Variants in NAV2 observed in about 807,000 individuals in gnomAD.
NAV2 encodes helicase, APC down-regulated 1.
In NAV2, 54 loss-of-function variants were observed where a neutral mutation model predicts 223.2. That is an observed-to-expected ratio of 0.24 (90% CI 0.19 to 0.30). The LOEUF is 0.30. Ranked by LOEUF, NAV2 falls within the 10% of genes least tolerant of loss-of-function variation. The pLI, the probability that NAV2 is intolerant of heterozygous loss-of-function variation, is 1.00. For missense variants in NAV2, 2,806 were observed against 3,147.5 expected, an observed-to-expected ratio of 0.89 and a Z score of 2.60; for synonymous variants, 1,279 against 1,239.3, an observed-to-expected ratio of 1.03 and a Z score of -0.67.
chr11:20,020,260 A>G (rs1472338230), intron 11 of NAV2, among the ~76,000 whole-genome samples: 1 of 152,216 alleles, frequency 6.6e-6, no homozygotes, highest in Non-Finnish European at 1.5e-5. Context: ...CATCAACTAC[A>G]TCTTGGTTTT....
chr11:19,819,599 G>C (rs2059272422), intron 1 of NAV2, among the ~76,000 whole-genome samples: 1 of 152,188 alleles, frequency 6.6e-6, no homozygotes, highest in African/African-American at 2.4e-5. Flanking sequence ...GCATGGAACT[G>C]TGGTGTGAGG....
intron 5 of NAV2, among the ~76,000 whole-genome samples, chr11:19,889,915 A>T (rs1294081853): frequency 1.3e-5 from 2 of 152,126 alleles, no homozygotes; most frequent in African/African-American, 2.4e-5. Context: ...ACTTTTGTGT[A>T]TTGATTTTTG....
At chr11:19,888,967 G>A (rs987652037) in intron 5 of NAV2, among the ~76,000 whole-genome samples, 1 of 151,970 alleles carries the variant, frequency 6.6e-6, no homozygotes, top group Non-Finnish European at 1.5e-5. Flanking sequence ...ATGTCAGCTG[G>A]GGTCGACAAG....
intron 29 of NAV2, among the ~76,000 whole-genome samples, chr11:20,095,387 A>G (rs986340246): frequency 6.6e-6 from 1 of 152,190 alleles, no homozygotes; most frequent in Non-Finnish European, 1.5e-5. Context: ...CATACAAGGA[A>G]TATGTGATTT....
chr11:19,627,388 CA>C (rs796980692), intron 1 of NAV2, among the ~76,000 whole-genome samples: 58 of 142,338 alleles, frequency 4.1e-4, no homozygotes, highest in South Asian at 6.8e-4. Context: ...GACTCTGTCT[CA>C]AAAAAAAAAA....
chr11:19,458,644 A>G (rs555474456), intron 1 of NAV2, among the ~76,000 whole-genome samples: 10 of 152,292 alleles, frequency 6.6e-5, no homozygotes, highest in African/African-American at 2.4e-4. Flanking sequence ...AGAGGTGAAG[A>G]CTCCAAGTCC....
In NAV2 at chr11:19,564,546, C is replaced by T. The variant is rs547116436; in HGVS notation, c.75+213519C>T. 3.3e-5 allele frequency among the ~76,000 whole-genome samples: 5 copies of T among 152,164 alleles called. No homozygotes were observed. The East Asian group carries it at 9.7e-4, about 30-fold the overall frequency. On this transcript the variant is annotated intron_variant, in intron 1 of 37. Coordinates refer to the NAV2 transcript ENST00000360655. ...ACTCTTGGCAGAGCTCTGATCTGGG[C>T]GTCGTGTTCTTTTTCCATTTGGAGG...
intron 10 of NAV2, among the ~76,000 whole-genome samples, chr11:19,983,732 A>G (rs6483628): frequency 0.8 from 121,571 of 152,184 alleles, 49,250 homozygotes; most frequent in Middle Eastern, 0.87. Flanking sequence ...ATTATTGCCT[A>G]TGATTTGCTA....
intron 1 of NAV2, among the ~76,000 whole-genome samples, chr11:19,729,273 A>C (rs1432459199): frequency 6.6e-6 from 1 of 152,200 alleles, no homozygotes; most frequent in Non-Finnish European, 1.5e-5. Flanking sequence ...GTTTGAATGC[A>C]TGCAAGATCC....
At chr11:19,619,017 T>C (rs191141612) in intron 1 of NAV2, among the ~76,000 whole-genome samples, 1,609 of 26,990 alleles carry the variant, frequency 0.06, 35 homozygotes, top group East Asian at 0.21. Context: ...TGTTTGGTTT[T>C]CTGTCCTTGT....
At chr11:19,862,884 C>T (rs2061874505) in intron 3 of NAV2, among the ~76,000 whole-genome samples, 1 of 152,136 alleles carries the variant, frequency 6.6e-6, no homozygotes, top group Non-Finnish European at 1.5e-5. Context: ...CCCTAAAGTT[C>T]ATTTTGCTTT....
intron 1 of NAV2, among the ~76,000 whole-genome samples, chr11:19,578,446 G>A (rs937117325): frequency 2.6e-5 from 4 of 152,290 alleles, no homozygotes; most frequent in South Asian, 2.1e-4. Flanking sequence ...AAGGGACATC[G>A]ACTTGGGAGA....
chr11:19,534,002 G>A lies in NAV2; in HGVS notation c.75+182975G>A, dbSNP rs1401360892. Among the ~76,000 whole-genome samples the A allele has an allele frequency of 2.3e-5, 3 of 132,284 alleles. 1 individual carries two copies. Among genetic ancestry groups the A allele is most frequent in the African/African-American group, 4.4e-5 (1 of 22,612 alleles). The allele number at this position is 132,284 out of a possible 152,430, so 86.8% of individuals were successfully genotyped here. A position where few individuals can be genotyped will look rare whatever the true frequency, so the allele number is the denominator to read the frequency against. ...ATTACAGGCGTGAGCCACCGCGCCC[G>A]GCCTCTGGGAACTATCTTATCCACA... is the stretch of plus-strand genomic sequence containing the variant. On this transcript the variant is annotated intron_variant, in intron 1 of 37. Coordinates refer to the NAV2 transcript ENST00000360655.
chr11:19,581,891 G>A (rs1590598495), intron 1 of NAV2, among the ~76,000 whole-genome samples: 1 of 152,272 alleles, frequency 6.6e-6, no homozygotes, highest in Non-Finnish European at 1.5e-5. Flanking sequence ...GTAATGGGAT[G>A]GCTGGGTCAA....
chr11:19,526,124 C>G (rs1055235426), intron 1 of NAV2, among the ~76,000 whole-genome samples: 4 of 152,140 alleles, frequency 2.6e-5, no homozygotes, highest in Admixed American at 1.3e-4. Flanking sequence ...GCAGACCTGT[C>G]CTTTCTGCCT....
intron 1 of NAV2, among the ~76,000 whole-genome samples, chr11:19,391,465 CA>C (rs1366478678): frequency 3.9e-5 from 6 of 152,152 alleles, no homozygotes; most frequent in Non-Finnish European, 8.8e-5. Flanking sequence ...CTCTCAGTTT[CA>C]AAGGAGATCA....
intron 11 of NAV2, among the ~76,000 whole-genome samples, chr11:20,007,113 T>C (rs904078663): frequency 3.9e-5 from 6 of 152,084 alleles, no homozygotes; most frequent in African/African-American, 1.4e-4. Flanking sequence ...TGCACCACCA[T>C]GCCCGGCTAA....
At chr11:19,464,460 C>T (rs1445437148) in intron 1 of NAV2, among the ~76,000 whole-genome samples, 2 of 152,162 alleles carry the variant, frequency 1.3e-5, no homozygotes, top group African/African-American at 2.4e-5. Context: ...CAGGCAATAT[C>T]CCTCTAAGAG....
chr11:19,723,089 AC>A (rs1318915920), intron 1 of NAV2, among the ~76,000 whole-genome samples: 5 of 152,010 alleles, frequency 3.3e-5, no homozygotes, highest in Admixed American at 2.6e-4. Flanking sequence ...CCTGCCCCCC[AC>A]CCCCAACCGC....
Sources: allele counts gnomAD v4.1 joint callset (sites outside exome capture counted in the v4.1 genomes callset), GRCh38; gene constraint gnomAD v4.1.1; transcripts MANE v1.5; gene names NCBI Gene and HGNC (gene_info 2026-07-23, HGNC 2026-07-21).